Variants in HTR3A observed in about 807,000 individuals in gnomAD.
HTR3A encodes 5-hydroxytryptamine receptor 3A.
In HTR3A, 45 loss-of-function variants were observed where a neutral mutation model predicts 54.8. The ratio of observed to expected loss-of-function variants is 0.82; its 90% CI spans 0.65 to 1.05. HTR3A has a LOEUF of 1.05. HTR3A is among the 50% of genes least tolerant of loss of function. The probability of loss-of-function intolerance (pLI) is 0.00; values close to 1 mark genes in which losing one functional copy is unlikely to be tolerated. For synonymous variants in HTR3A, 297 were observed against 256.0 expected (o/e 1.16, Z -1.53); for missense variants, 657 against 614.0 (o/e 1.07, Z -0.74).
chr11:113,976,598 T>C lies in HTR3A; in HGVS notation c.68-1173T>C, dbSNP rs570376814. On this transcript the variant is annotated intron_variant, in intron 1 of 8. Coordinates refer to ENST00000504030, the MANE Select transcript of HTR3A (RefSeq NM_000869.6). Reference sequence around the variant, plus strand: ...GTGTGTGTGTGTGTGTGTGTGTGTGTGTGTGTGTGTGTGTGTTCTCTCTGC... The same window carrying C: ...GTGTGTGTGTGTGTGTGTGTGTGTGCGTGTGTGTGTGTGTGTTCTCTCTGC... 8.0e-3 allele frequency among the ~76,000 whole-genome samples: 1,190 copies of C among 148,566 alleles called. 12 individuals carry two copies. The highest frequency in any genetic ancestry group is 0.012 in the Non-Finnish European group (782 of 67,298).
intron 1 of HTR3A, among the ~76,000 whole-genome samples, chr11:113,976,918 T>G (rs1348154452): frequency 6.6e-6 from 1 of 151,968 alleles, no homozygotes; most frequent in Non-Finnish European, 1.5e-5. Flanking sequence ...GTGCTCCTGC[T>G]GCTTCCAGTG....
At chr11:113,978,249 C>T (rs1475369113) in intron 2 of HTR3A, among the ~76,000 whole-genome samples, 1 of 152,180 alleles carries the variant, frequency 6.6e-6, no homozygotes, top group African/African-American at 2.4e-5. Flanking sequence ...CTCTATGCTC[C>T]CAGTGCCTTA....
rs761832225 is a variant in HTR3A at position 113,989,558 on chromosome 11, C to G, written c.1232C>G (p.Ala411Gly). The G allele has an allele frequency of 1.2e-6, 2 of 1,614,174 alleles. No homozygotes were observed. Among genetic ancestry groups the G allele is most frequent in the Non-Finnish European group, 1.7e-6 (2 of 1,180,038 alleles). ...RCSPPPPPREASLAVCGLLQE... is the reference protein window; with the variant it reads ...RCSPPPPPREGSLAVCGLLQE... ...AGCCCTCCCCCACCACCTCGGGAGG[C>G]CTCGCTGGCGGTGTGTGGGCTGCTG... The change falls in exon 9 of 9, where the codon GCC becomes GGC. Residue 411 changes from alanine to glycine, a missense_variant. Transcript: ENST00000504030. This position sits in a 1 kb window ranked among gnomAD's most constrained non-coding sequence, Gnocchi z 4.4.
rs530581509 is a variant in HTR3A at position 113,987,538 on chromosome 11, G to T, written c.1138+492G>T. On this transcript the variant is annotated intron_variant, in intron 8 of 8. Coordinates refer to ENST00000504030, the MANE Select transcript of HTR3A (RefSeq NM_000869.6). Reference sequence around the variant, plus strand: ...ACTTGAGCCCAGGAGTTCGAGACCAGCCTGGCCAACATAGTGAGACCTCAT... The same window carrying T: ...ACTTGAGCCCAGGAGTTCGAGACCATCCTGGCCAACATAGTGAGACCTCAT... Among the ~76,000 whole-genome samples, 65 of 151,626 alleles carry T rather than the reference G, an allele frequency of 4.3e-4. 1 individual carries two copies. The South Asian group carries it at 0.013, about 31-fold the overall frequency.
chr11:113,975,468 G>C (rs1353893984), intron 1 of HTR3A, 76 bp downstream of exon 1: 2 of 1,219,034 alleles, frequency 1.6e-6, no homozygotes, highest in Non-Finnish European at 1.2e-6. Flanking sequence ...TCAGTCCTCC[G>C]AGGGCTGTGG....
At position 113,975,337 on chromosome 11, in the gene HTR3A, G is replaced by A. The variant is rs756687397; in HGVS notation, c.12G>A (p.Trp4Ter). 6.2e-7 allele frequency: 1 copy of A among 1,613,500 alleles called. No individual in the cohort carries two copies. The highest frequency in any genetic ancestry group is 2.2e-5 in the East Asian group (1 of 44,876). MLL[W>*]VQQALLALLL... ...TTGGAAAGCTCGCTATGCTGCTGTGGGTCCAGCAGGCGCTGCTCGCCTTGC... is the reference window on the plus strand; with the variant it reads ...TTGGAAAGCTCGCTATGCTGCTGTGAGTCCAGCAGGCGCTGCTCGCCTTGC... Residue 4 changes from tryptophan to a stop codon, truncating the protein, a stop_gained, in exon 1 of 9, where the codon TGG becomes TGA. Coordinates refer to ENST00000504030, the MANE Select transcript of HTR3A (RefSeq NM_000869.6). LOFTEE classifies it high-confidence loss of function.
Position 113,975,338 on chromosome 11 carries a change from G to A in HTR3A, c.13G>A (p.Val5Ile). The A allele has an allele frequency of 6.2e-7, 1 of 1,613,504 alleles. No homozygotes were observed. The highest frequency in any genetic ancestry group is 8.5e-7 in the Non-Finnish European group (1 of 1,180,016). ...TGGAAAGCTCGCTATGCTGCTGTGG[G>A]TCCAGCAGGCGCTGCTCGCCTTGCT... MLLW[V>I]QQALLALLLP... The change falls in exon 1 of 9, where the codon GTC (valine) becomes ATC (isoleucine). Residue 5 changes from valine to isoleucine, a missense_variant. Val to Ile is a conservative substitution (Grantham distance 29). Transcript: ENST00000504030.
In HTR3A at chr11:113,989,782, A is replaced by G; in HGVS notation, c.*19A>G. 1 of 1,605,012 alleles carries G rather than the reference A, an allele frequency of 6.2e-7. No homozygotes were observed. Among genetic ancestry groups the G allele is most frequent in the Non-Finnish European group, 8.5e-7 (1 of 1,179,768 alleles). On this transcript the variant is annotated 3_prime_UTR_variant, in exon 9 of 9. Transcript: ENST00000504030. The surrounding 1 kb of genome is among the most constrained non-coding windows in gnomAD (Gnocchi z 4.4). ...CGCTTGAGTGGGTACAGCCCAGTGG[A>G]GGAGGGGGTACAGTCCTGGTTAGGT...
rs751393182 is a variant in HTR3A, at chr11:113,975,443, G to C, written c.67+51G>C. 1.5e-5 allele frequency: 22 copies of C among 1,489,620 alleles called. No individual in the cohort carries two copies. The African/African-American group carries it at 2.9e-4, about 20-fold the overall frequency. The allele number at this position is 1,489,620 out of a possible 1,614,324, so 92.3% of individuals were successfully genotyped here. On this transcript the variant is annotated intron_variant, in intron 1 of 8. Coordinates refer to ENST00000504030, the MANE Select transcript of HTR3A (RefSeq NM_000869.6). ...GACTTGGCTGACCATCTGCTGAGGT[G>C]GGGCAGGGGATGCTTCAGTCCTCCG...
rs1245086800 is a variant in HTR3A at position 113,986,518 on chromosome 11, G to A, written c.706G>A (p.Val236Met). Reference protein sequence around the residue: ...SNYYAEMKFYVVIRRRPLFYV... With the variant: ...SNYYAEMKFYMVIRRRPLFYV... ...CCCACAAGCTCTTCTCCGGTCCCAG[G>A]TGGTCATCCGCCGGCGGCCCCTCTT... is the stretch of plus-strand genomic sequence containing the variant. Residue 236 changes from valine to methionine, a missense_variant and splice_region_variant, in exon 7 of 9, where the codon GTG becomes ATG. Coordinates refer to ENST00000504030, the MANE Select transcript of HTR3A (RefSeq NM_000869.6). 1.9e-6 allele frequency: 3 copies of A among 1,612,152 alleles called. No homozygotes were observed. Among genetic ancestry groups the A allele is most frequent in the African/African-American group, 2.7e-5 (2 of 74,888 alleles).
At position 113,989,779 on chromosome 11, in the gene HTR3A, T is replaced by C; in HGVS notation, c.*16T>C. On this transcript the variant is annotated 3_prime_UTR_variant, in exon 9 of 9. Transcript: ENST00000504030. The surrounding 1 kb of genome is among the most constrained non-coding windows in gnomAD (Gnocchi z 4.4). ...GTACGCTTGAGTGGGTACAGCCCAGTGGAGGAGGGGGTACAGTCCTGGTTA... is the reference window on the plus strand; with the variant it reads ...GTACGCTTGAGTGGGTACAGCCCAGCGGAGGAGGGGGTACAGTCCTGGTTA... 1.9e-6 allele frequency: 3 copies of C among 1,605,796 alleles called. No homozygotes were observed. The highest frequency in any genetic ancestry group is 1.7e-6 in the Non-Finnish European group (2 of 1,179,824).
At chr11:113,981,382 C>A (rs1321060606) in intron 4 of HTR3A, 70 bp downstream of exon 4, 1 of 910,930 alleles carries the variant, frequency 1.1e-6, no homozygotes, top group East Asian at 2.4e-5. Context: ...GACAGAGAGA[C>A]AAGATTGTCA....
In HTR3A at chr11:113,986,699, C is replaced by G. The variant is rs377608018; in HGVS notation, c.887C>G (p.Pro296Arg). The G allele has an allele frequency of 6.2e-7, 1 of 1,614,198 alleles. No homozygotes were observed. The highest frequency in any genetic ancestry group is 1.7e-5 in the Admixed American group (1 of 60,020). Residue 296 changes from proline to arginine, a missense_variant, in exon 7 of 9, where the codon CCG (proline) becomes CGG (arginine). Physicochemically the swap from Pro to Arg is moderately radical, Grantham distance 103 (BLOSUM62 -2). Transcript: ENST00000504030. ...VFLIIVSDTLPATAIGTPLIG... is the reference protein window; with the variant it reads ...VFLIIVSDTLRATAIGTPLIG... ...CTGATCATCGTTTCTGACACGCTGC[C>G]GGCCACTGCCATCGGCACTCCTCTC...
At position 113,986,527 on chromosome 11, in the gene HTR3A, C is replaced by T. The variant is rs750048479; in HGVS notation, c.715C>T (p.Arg239Cys). 38 of 1,612,344 alleles carry T rather than the reference C, an allele frequency of 2.4e-5. No homozygotes were observed. Among genetic ancestry groups the T allele is most frequent in the Middle Eastern group, 1.6e-4 (1 of 6,070 alleles). Residue 239 changes from arginine (R) to cysteine (C), a missense_variant, in exon 7 of 9, where the codon CGC becomes TGC. Physicochemically the swap from Arg to Cys is radical, Grantham distance 180. Transcript: ENST00000504030. ...YAEMKFYVVI[R>C]RRPLFYVVSL... is the part of the protein sequence containing the mutation. ...TCTTCTCCGGTCCCAGGTGGTCATCCGCCGGCGGCCCCTCTTCTATGTGGT... is the reference window on the plus strand; with the variant it reads ...TCTTCTCCGGTCCCAGGTGGTCATCTGCCGGCGGCCCCTCTTCTATGTGGT...
At chr11:113,988,594 T>C (rs900554892) in intron 8 of HTR3A, among the ~76,000 whole-genome samples, 4 of 152,100 alleles carry the variant, frequency 2.6e-5, no homozygotes, top group Non-Finnish European at 5.9e-5. Context: ...TGAAACCCCA[T>C]CTCTACTAAA....
At chr11:113,984,270 C>T (rs761392444) in intron 5 of HTR3A, among the ~76,000 whole-genome samples, 11 of 152,136 alleles carry the variant, frequency 7.2e-5, no homozygotes, top group Non-Finnish European at 1.6e-4. Flanking sequence ...CCTCTCCCCA[C>T]CTCTGTCACC....
At chr11:113,988,767 AC>A (rs1490163256) in intron 8 of HTR3A, among the ~76,000 whole-genome samples, 1 of 151,314 alleles carries the variant, frequency 6.6e-6, no homozygotes, top group African/African-American at 2.4e-5. Flanking sequence ...TGGTCTCCAA[AC>A]AAACAAACAA....
At position 113,986,070 on chromosome 11, in the gene HTR3A, G is replaced by C. The variant is rs1349286450; in HGVS notation, c.600G>C (p.Arg200Ser). 6.2e-7 allele frequency: 1 copy of C among 1,614,098 alleles called. No homozygotes were observed. The highest frequency in any genetic ancestry group is 8.5e-7 in the Non-Finnish European group (1 of 1,180,050). The change falls in exon 6 of 9, where the codon AGG (arginine) becomes AGC (serine). Residue 200 changes from arginine to serine, a missense_variant. By Grantham distance (110) the Arg-to-Ser change is moderately radical. Coordinates refer to ENST00000504030, the MANE Select transcript of HTR3A (RefSeq NM_000869.6). ...WRLPEKVKSD[R>S]SVFMNQGEWE... is the part of the protein sequence containing the mutation. Reference sequence around the variant, plus strand: ...TGCCAGAAAAGGTGAAATCCGACAGGAGTGTCTTCATGAACCAGGGAGAGT... The same window carrying C: ...TGCCAGAAAAGGTGAAATCCGACAGCAGTGTCTTCATGAACCAGGGAGAGT...
At chr11:113,978,033 A>T (rs537061518) in intron 2 of HTR3A, 111 bp downstream of exon 2, 7 of 1,290,380 alleles carry the variant, frequency 5.4e-6, no homozygotes, top group South Asian at 3.6e-5. Flanking sequence ...AACCCATAGG[A>T]CCTACGGTCT....
Sources: allele counts gnomAD v4.1 joint callset (sites outside exome capture counted in the v4.1 genomes callset), GRCh38; gene constraint gnomAD v4.1.1; non-coding constraint Gnocchi (gnomAD v3.1); transcripts MANE v1.5; gene names NCBI Gene and HGNC (gene_info 2026-07-23, HGNC 2026-07-21).